The following TNR variants were observed in gnomAD, a reference collection of about 807,000 sequenced individuals.
TNR encodes the protein tenascin-R.
TNR carries 45 observed loss-of-function variants against 150.4 expected under a neutral mutation model. The ratio of observed to expected loss-of-function variants is 0.30; its 90% confidence interval spans 0.24 to 0.38. TNR has a LOEUF of 0.38. Among genes scored for constraint, TNR ranks in the 10% least tolerant of loss-of-function variants. The pLI is 1.00. For synonymous variants in TNR, 687 were observed against 678.4 expected, an observed-to-expected ratio of 1.01 and a Z score of -0.20; for missense variants, 1,544 against 1,759.1, an observed-to-expected ratio of 0.88 and a Z score of 2.19.
intron 6 of TNR, among the ~76,000 whole-genome samples, chr1:175,392,351 C>A (rs561731680): frequency 6.6e-6 from 1 of 152,222 alleles, no homozygotes; most frequent in Non-Finnish European, 1.5e-5. Context: ...TACAGTCATA[C>A]TCTTATAAAT....
At chr1:175,385,853 G>A (rs956096423) in intron 8 of TNR, among the ~76,000 whole-genome samples, 179 bp downstream of exon 8, 4 of 152,168 alleles carry the variant, frequency 2.6e-5, no homozygotes, top group African/African-American at 9.7e-5. Flanking sequence ...CCTAGTGAGG[G>A]AGCGCTGCTT....
chr1:175,528,029 T>A (rs1659916272), intron 2 of TNR, among the ~76,000 whole-genome samples: 1 of 152,162 alleles, frequency 6.6e-6, no homozygotes, highest in Non-Finnish European at 1.5e-5. Flanking sequence ...CATCATGAAA[T>A]GCATTCAGAA....
At chr1:175,665,354 T>C (rs1358502208) in intron 1 of TNR, among the ~76,000 whole-genome samples, 1 of 152,150 alleles carries the variant, frequency 6.6e-6, no homozygotes, top group East Asian at 1.9e-4. Flanking sequence ...CAGGCACAGC[T>C]CCCCGACTGG....
chr1:175,379,982 G>C (rs145836879), intron 8 of TNR, among the ~76,000 whole-genome samples: 1 of 152,270 alleles, frequency 6.6e-6, no homozygotes, highest in African/African-American at 2.4e-5. Context: ...TTCCATTCAA[G>C]AGTTCCAGTG....
At chr1:175,521,739 C>T (rs941184235) in intron 2 of TNR, among the ~76,000 whole-genome samples, 13 of 152,148 alleles carry the variant, frequency 8.5e-5, no homozygotes, top group African/African-American at 3.1e-4. Flanking sequence ...TTTCAAGGCC[C>T]AGCTCAATGA....
chr1:175,611,339 CTT>C (rs964895553), intron 1 of TNR, among the ~76,000 whole-genome samples: 2 of 151,700 alleles, frequency 1.3e-5, no homozygotes, highest in African/African-American at 4.8e-5. Context: ...CGTTTCTACT[CTT>C]TTTTTTAAAG....
intron 9 of TNR, among the ~76,000 whole-genome samples, chr1:175,368,799 A>G (rs1313900034): frequency 1.3e-5 from 2 of 152,128 alleles, no homozygotes; most frequent in Non-Finnish European, 2.9e-5. Context: ...AATTACAACA[A>G]TTAGCCGGGT....
At chr1:175,668,621 A>G (rs186775566) in intron 1 of TNR, among the ~76,000 whole-genome samples, 8 of 152,344 alleles carry the variant, frequency 5.3e-5, no homozygotes, top group Admixed American at 5.2e-4. Context: ...TCTCAAAAAG[A>G]GTCAGGGACT....
intron 1 of TNR, among the ~76,000 whole-genome samples, chr1:175,686,004 T>G (rs889889973): frequency 2.6e-5 from 4 of 152,052 alleles, no homozygotes; most frequent in African/African-American, 7.2e-5. Flanking sequence ...GCAAGAAGCT[T>G]TCTACCACCA....
At chr1:175,368,432 T>C (rs963460130) in intron 9 of TNR, among the ~76,000 whole-genome samples, 1 of 152,222 alleles carries the variant, frequency 6.6e-6, no homozygotes, top group East Asian at 1.9e-4. Flanking sequence ...GACTCTGACC[T>C]CCCTACATCC....
chr1:175,478,845 T>C (rs1266646763), intron 2 of TNR, among the ~76,000 whole-genome samples: 1 of 152,202 alleles, frequency 6.6e-6, no homozygotes, highest in African/African-American at 2.4e-5. Flanking sequence ...ATTCTACTTA[T>C]GATCACTGGC....
chr1:175,683,981 G>T (rs973144411), intron 1 of TNR, among the ~76,000 whole-genome samples: 29 of 152,186 alleles, frequency 1.9e-4, no homozygotes, highest in Non-Finnish European at 3.5e-4. Context: ...GAGCCAGCCT[G>T]CTCCGGGAGC....
intron 2 of TNR, among the ~76,000 whole-genome samples, chr1:175,511,574 G>A (rs1659174893): frequency 6.6e-6 from 1 of 152,218 alleles, no homozygotes; most frequent in African/African-American, 2.4e-5. Flanking sequence ...GCGCCTCTGA[G>A]AAGTAACATT....
intron 1 of TNR, among the ~76,000 whole-genome samples, chr1:175,574,053 G>A (rs1445217912): frequency 6.6e-6 from 1 of 152,162 alleles, no homozygotes; most frequent in African/African-American, 2.4e-5. Context: ...AGGTCTTGAA[G>A]AGGAAGATGA....
chr1:175,411,304 C>T (rs984756020), intron 2 of TNR, among the ~76,000 whole-genome samples: 3 of 152,086 alleles, frequency 2.0e-5, no homozygotes, highest in Non-Finnish European at 2.9e-5. Context: ...ATCAGATGAG[C>T]GATTGGGCTA....
At position 175,330,170 on chromosome 1, in the gene TNR, C is replaced by T. The variant is rs887432545; in HGVS notation, c.3697G>A (p.Gly1233Ser). The T allele has an allele frequency of 8.7e-6, 14 of 1,613,466 alleles. No individual in the cohort carries two copies. The highest frequency in any genetic ancestry group is 8.0e-5 in the African/African-American group (6 of 74,934). Residue 1233 changes from glycine to serine, a missense_variant, in exon 21 of 23, where the codon GGC becomes AGC. By Grantham distance (56) the Gly-to-Ser change is moderately conservative. Around this residue, in one of 2 missense-constraint regions of TNR, gnomAD observed 290 missense variants for 429.7 expected, o/e 0.67. Transcript: ENST00000367674. ...RYELRVDMRD[G>S]QEAAFASYDR... is the part of the protein sequence containing the mutation. ...TAGGAGGCGAAGGCGGCCTCTTGGCCATCCCGCATGTCCACGCGCAGCTCA... is the reference window on the plus strand; with the variant it reads ...TAGGAGGCGAAGGCGGCCTCTTGGCTATCCCGCATGTCCACGCGCAGCTCA...
Position 175,403,267 on chromosome 1 carries a change from G to T in TNR, c.849C>A (p.Cys283Ter). 1 of 1,614,010 alleles carries T rather than the reference G, an allele frequency of 6.2e-7. No individual in the cohort carries two copies. Among genetic ancestry groups the T allele is most frequent in the Non-Finnish European group, 8.5e-7 (1 of 1,179,996 alleles). Residue 283 changes from cysteine (C) to a stop codon, truncating the protein, a stop_gained, in exon 4 of 23, where the codon TGC becomes TGA. Transcript: ENST00000367674. LOFTEE classifies it high-confidence loss of function. ...AGTCCTCACCAACGTAGCCCTCCTC[G>T]CATAAACAGGTACCGTTGGCACATC... is the stretch of plus-strand genomic sequence containing the variant. ...KGRCANGTCL[C>*]EEGYVGEDCG...
intron 2 of TNR, among the ~76,000 whole-genome samples, chr1:175,504,957 A>G (rs1352712489): frequency 6.6e-6 from 1 of 152,152 alleles, no homozygotes; most frequent in Non-Finnish European, 1.5e-5. Context: ...GGCCATCTAG[A>G]AGCCAAGGAG....
intron 1 of TNR, among the ~76,000 whole-genome samples, chr1:175,636,198 C>A (rs1428567186): frequency 6.6e-6 from 1 of 152,198 alleles, no homozygotes; most frequent in Non-Finnish European, 1.5e-5. Flanking sequence ...ACTGAACTGA[C>A]ATCCAGCTGT....
Sources: gnomAD v4.1 joint callset for allele counts (sites outside exome capture counted in the v4.1 genomes callset) on GRCh38, gnomAD v4.1.1 for gene constraint, gnomAD v4.1.1 regional missense constraint, MANE v1.5 for transcripts, NCBI Gene and HGNC (gene_info 2026-07-23, HGNC 2026-07-21) for gene names.